CNIH3: variants seen among roughly 807,000 people sequenced by gnomAD.
The protein encoded by CNIH3 is cornichon family AMPA receptor auxiliary protein 3, also known as protein cornichon homolog 3.
In CNIH3, 14 loss-of-function variants were observed where a neutral mutation model predicts 24.1. The ratio of observed to expected loss-of-function variants is 0.58; its 90% confidence interval spans 0.38 to 0.91. CNIH3 has a LOEUF of 0.91. Ranked by LOEUF, CNIH3 falls within the 40% of genes least tolerant of loss-of-function variation. The pLI is 0.00. For missense variants in CNIH3, 178 were observed against 196.8 expected (o/e 0.90, Z 0.57); for synonymous variants, 68 against 73.8 (o/e 0.92, Z 0.40).
At chr1:224,521,890 A>G (rs1337508749) in intron 2 of CNIH3, among the ~76,000 whole-genome samples, 2 of 152,202 alleles carry the variant, frequency 1.3e-5, no homozygotes, top group Non-Finnish European at 2.9e-5. Flanking sequence ...GTTGCAAAAG[A>G]TTACTGACAG....
At chr1:224,602,855 T>G (rs1682261936) in intron 3 of CNIH3, among the ~76,000 whole-genome samples, 1 of 152,228 alleles carries the variant, frequency 6.6e-6, no homozygotes, top group Non-Finnish European at 1.5e-5. Flanking sequence ...TAGTAAAGCT[T>G]GTTAATGTAG....
Position 224,702,489 on chromosome 1 carries a change from C to T in CNIH3, c.198+17646C>T, listed in dbSNP as rs548780643. 8.5e-5 allele frequency among the ~76,000 whole-genome samples: 13 copies of T among 152,368 alleles called. No homozygotes were observed. In the East Asian group the frequency reaches 1.3e-3, roughly 16 times the overall value. ...GAGAGTGTCTGTTTCCCCACACCAGCGTCACCATGACTGGATGCTCCAGGG... is the reference window on the plus strand; with the variant it reads ...GAGAGTGTCTGTTTCCCCACACCAGTGTCACCATGACTGGATGCTCCAGGG... On this transcript the variant is annotated intron_variant, in intron 3 of 5. Transcript: ENST00000272133.
intron 1 of CNIH3, among the ~76,000 whole-genome samples, chr1:224,503,036 C>T (rs865859782): frequency 1.4e-4 from 11 of 77,512 alleles, no homozygotes; most frequent in South Asian, 4.5e-4. Flanking sequence ...ACAGCTCTCC[C>T]GGGGAGGGAG....
rs529696551 is a variant in CNIH3, at chr1:224,679,751, C to T, written c.82-1207C>T. ...TTGCTTTGTAGAGGGAAGTTGTTTT[C>T]TCTCACTTAATGCTTACTGTCAGCC... On this transcript the variant is annotated intron_variant, in intron 1 of 5. Transcript: ENST00000272133. Among the ~76,000 whole-genome samples the T allele has an allele frequency of 2.6e-5, 4 of 152,304 alleles. No individual in the cohort carries two copies. The South Asian group carries it at 6.2e-4, about 24-fold the overall frequency.
intron 5 of CNIH3, among the ~76,000 whole-genome samples, chr1:224,585,176 A>C (rs1474405006): frequency 1.3e-5 from 2 of 152,086 alleles, no homozygotes; most frequent in Non-Finnish European, 2.9e-5. Context: ...AAGCCTTTGC[A>C]CTTGCCCTTT....
chr1:224,651,428 TA>T (rs1684851253), intron 1 of CNIH3, among the ~76,000 whole-genome samples: 1 of 152,220 alleles, frequency 6.6e-6, no homozygotes, highest in African/African-American at 2.4e-5. Context: ...ACCATCACTT[TA>T]AAAAAGTTGC....
At chr1:224,539,835 A>G (rs1406072912), downstream of CNIH3, among the ~76,000 whole-genome samples, 3 of 151,832 alleles carry the variant, frequency 2.0e-5, no homozygotes, top group Admixed American at 1.3e-4. Context: ...CTGTTTCTAT[A>G]TTTTGCTTAT....
In CNIH3 at chr1:224,616,868, A is replaced by G. The variant is rs1278685905; in HGVS notation, c.-307A>G. The G allele has an allele frequency of 8.2e-7, 1 of 1,226,240 alleles. No individual in the cohort carries two copies. Among genetic ancestry groups the G allele is most frequent in the African/African-American group, 1.6e-5 (1 of 64,500 alleles). 76.0% of individuals were successfully genotyped at this position (1,226,240 alleles called of 1,614,324 possible). A position where few individuals can be genotyped will look rare whatever the true frequency, so the allele number is the denominator to read the frequency against. On this transcript the variant is annotated 5_prime_UTR_variant, in exon 1 of 6. Coordinates refer to ENST00000272133, the MANE Select transcript of CNIH3 (RefSeq NM_152495.2). ...GGTCTCGAGGGGCTCACAGCTTGGC[A>G]CTAATTTGCAGGTGTTCGCTGCTGA...
intron 1 of CNIH3, among the ~76,000 whole-genome samples, chr1:224,452,259 C>A (rs1005532197): frequency 6.6e-6 from 1 of 151,386 alleles, no homozygotes; most frequent in Non-Finnish European, 1.5e-5. Flanking sequence ...AAGTGATTCT[C>A]CTGCCTCAGC....
chr1:224,611,572 C>CT (rs1442493062), upstream of CNIH3: 1 of 152,200 alleles, frequency 6.6e-6, no homozygotes, highest in Non-Finnish European at 1.5e-5. Context: ...AAGATGGCTG[C>CT]TGTACCTCCA....
At chr1:224,721,798 G>C in intron 3 of CNIH3, among the ~76,000 whole-genome samples, 1 of 152,196 alleles carries the variant, frequency 6.6e-6, no homozygotes, top group African/African-American at 2.4e-5. Flanking sequence ...GAGGGGGCCT[G>C]TGGAAGGTGG....
intron 1 of CNIH3, among the ~76,000 whole-genome samples, chr1:224,497,045 A>C (rs1413192230): frequency 1.3e-5 from 2 of 152,258 alleles, no homozygotes; most frequent in Non-Finnish European, 2.9e-5. Flanking sequence ...TGCAGCCATA[A>C]AAAGGAATGA....
chr1:224,501,523 ATAT>A lies in CNIH3; in HGVS notation n.204-14216_204-14214del, dbSNP rs757403771. On this transcript the variant is annotated intron_variant and non_coding_transcript_variant, in intron 1 of 5. Transcript: ENST00000471578. ...CTTGAACCTATATATATATATATATATATTTTTTTTTTTTAACCCCAGAGTTCA... is the reference window on the plus strand; with the variant it reads ...CTTGAACCTATATATATATATATATATTTTTTTTTTTAACCCCAGAGTTCA... Among the ~76,000 whole-genome samples the A allele has an allele frequency of 1.3e-3, 149 of 112,238 alleles. 1 individual carries two copies. Among genetic ancestry groups the A allele is most frequent in the Middle Eastern group, 0.011 (2 of 188 alleles). The allele number at this position is 112,238 out of a possible 152,430, so 73.6% of individuals were successfully genotyped here.
chr1:224,451,669 G>A (rs947648682), intron 1 of CNIH3, among the ~76,000 whole-genome samples: 2 of 152,238 alleles, frequency 1.3e-5, no homozygotes. Flanking sequence ...TTCAGACAAG[G>A]CAACTGAGGC....
chr1:224,491,638 CTCTG>C lies in CNIH3; in HGVS notation n.204-24100_204-24097del, dbSNP rs1345208960. 5.3e-5 allele frequency among the ~76,000 whole-genome samples: 8 copies of C among 152,114 alleles called. 1 individual carries two copies. In the East Asian group the frequency reaches 1.5e-3, roughly 29 times the overall value. ...TTATTTTTTTTGAGACAGAGTCTCA[CTCTG>C]TCACCCAGGCTGGAGTGCAGTGGCA... is the stretch of plus-strand genomic sequence containing the variant. On this transcript the variant is annotated intron_variant and non_coding_transcript_variant, in intron 1 of 5. Coordinates refer to the CNIH3 transcript ENST00000471578.
chr1:224,696,522 C>G (rs532379492), intron 3 of CNIH3, among the ~76,000 whole-genome samples: 1 of 152,258 alleles, frequency 6.6e-6, no homozygotes, highest in East Asian at 1.9e-4. Flanking sequence ...GATGTGCACT[C>G]TGGAAAACTA....
exon 2 of CNIH3, chr1:224,521,225 G>A (rs1678615296): frequency 6.6e-6 from 1 of 152,148 alleles, no homozygotes; most frequent in African/African-American, 2.4e-5. Context: ...GACAAGGGGA[G>A]CGTGCATGTT....
intron 1 of CNIH3, among the ~76,000 whole-genome samples, chr1:224,495,308 G>A (rs1677393323): frequency 6.6e-6 from 1 of 152,180 alleles, no homozygotes; most frequent in Non-Finnish European, 1.5e-5. Context: ...CCCAGGACAT[G>A]CCTTGTATAT....
chr1:224,574,320 A>G, intron 4 of CNIH3: 1 of 259,142 alleles, frequency 3.9e-6, no homozygotes, highest in Non-Finnish European at 7.2e-6. Context: ...TAAGTATTTC[A>G]TTGTTGATTA....
Sources: allele counts gnomAD v4.1 joint callset (sites outside exome capture counted in the v4.1 genomes callset), GRCh38; gene constraint gnomAD v4.1.1; transcripts MANE v1.5; gene names NCBI Gene and HGNC (gene_info 2026-07-23, HGNC 2026-07-21).